Variants in UBIAD1 observed in about 807,000 individuals in gnomAD.
UBIAD1 encodes ubiA prenyltransferase domain-containing protein 1.
In UBIAD1, 12 loss-of-function variants were observed where a neutral mutation model predicts 20.1. That is an observed-to-expected ratio of 0.60 (90% CI 0.38 to 0.97). The LOEUF (loss-of-function observed/expected upper bound fraction) is 0.97, where lower values mean the gene tolerates loss of function less well. Ranked by LOEUF, UBIAD1 falls within the 50% of genes least tolerant of loss-of-function variation. The pLI is 0.00. For synonymous variants in UBIAD1, 207 were observed against 189.2 expected (o/e 1.09, Z -0.77); for missense variants, 333 against 419.5 (o/e 0.79, Z 1.80).
intron 1 of UBIAD1, among the ~76,000 whole-genome samples, chr1:11,284,631 T>C (rs1557519374): frequency 6.6e-6 from 1 of 151,938 alleles, no homozygotes; most frequent in Non-Finnish European, 1.5e-5. Context: ...GCTTGGCTAA[T>C]TTTTGTATTT....
intron 1 of UBIAD1, 125 bp downstream of exon 1, chr1:11,274,185 T>C: frequency 8.2e-7 from 1 of 1,219,472 alleles, no homozygotes; most frequent in Non-Finnish European, 1.2e-6. Context: ...AATTGAAGTC[T>C]ATAATTGTGG....
chr1:11,286,648 G>A lies in UBIAD1; in HGVS notation c.*517G>A, dbSNP rs1638266660. On this transcript the variant is annotated 3_prime_UTR_variant, in exon 2 of 2. Coordinates refer to ENST00000376810, the MANE Select transcript of UBIAD1 (RefSeq NM_013319.3). ...ACCTGTGTCCTGAGATACGCTGCCT[G>A]AGACAGAGAGAGTCCCTCATTAACA... 5.6e-6 allele frequency: 1 copy of A among 177,256 alleles called. No individual in the cohort carries two copies. Among genetic ancestry groups the A allele is most frequent in the African/African-American group, 2.4e-5 (1 of 41,734 alleles). The allele number at this position is 177,256 out of a possible 1,614,324, so 11.0% of individuals were successfully genotyped here. A position where few individuals can be genotyped will look rare whatever the true frequency, so the allele number is the denominator to read the frequency against.
In UBIAD1 at chr1:11,294,904, C is replaced by T. The variant is rs549583206; in HGVS notation, c.*21C>T. ...TCTAGCCACTGAAGCAGAGTGCCCA[C>T]ATCAGGAGCAGCCAGTGCTCAAGCT... On this transcript the variant is annotated 3_prime_UTR_variant, in exon 2 of 2. Transcript: ENST00000376804. The T allele has an allele frequency of 3.5e-5, 25 of 717,508 alleles. No homozygotes were observed. The East Asian group carries it at 6.4e-4, about 18-fold the overall frequency. 44.4% of individuals were successfully genotyped at this position (717,508 alleles called of 1,614,324 possible).
Position 11,273,987 on chromosome 1 carries a change from G to T in UBIAD1, c.456G>T (p.Leu152=). The part of the protein sequence containing the change: ...GCVCAACLYY[L]SPLKLEHLAL... ...TCTGTGCCGCTTGCCTCTACTACCT[G>T]TCCCCTCTGAAACTGGAGCACTTGG... Residue 152 remains leucine, a synonymous_variant, in exon 1 of 2, where the codon CTG becomes CTT. Coordinates refer to ENST00000376810, the MANE Select transcript of UBIAD1 (RefSeq NM_013319.3). The surrounding 1 kb of genome is among the most constrained non-coding windows in gnomAD (Gnocchi z 4.9). 6.2e-7 allele frequency: 1 copy of T among 1,614,144 alleles called. No individual in the cohort carries two copies. The highest frequency in any genetic ancestry group is 1.3e-5 in the African/African-American group (1 of 75,016).
chr1:11,295,954 C>G (rs1638440517), downstream of UBIAD1: 1 of 152,188 alleles, frequency 6.6e-6, no homozygotes, highest in Non-Finnish European at 1.5e-5. Context: ...AAGGACAGGC[C>G]ACTCACAGCC....
At position 11,273,341 on chromosome 1, in the gene UBIAD1, GC is replaced by G; in HGVS notation, c.-190del. ...GCCCAGGTGACGGGTAGTAGGGGCG[GC>G]GCCGCTTGGCCTCGTGGGGTGTAAG... On this transcript the variant is annotated 5_prime_UTR_variant, in exon 1 of 2. Transcript: ENST00000376810. The surrounding 1 kb of genome is among the most constrained non-coding windows in gnomAD (Gnocchi z 4.9). 2 of 648,470 alleles carry G rather than the reference GC, an allele frequency of 3.1e-6. No homozygotes were observed. Among genetic ancestry groups the G allele is most frequent in the Non-Finnish European group, 5.3e-6 (2 of 375,720 alleles). The allele number at this position is 648,470 out of a possible 1,614,324, so 40.2% of individuals were successfully genotyped here.
At chr1:11,293,443 T>C (rs573338654) in intron 1 of UBIAD1, 1 of 152,350 alleles carries the variant, frequency 6.6e-6, no homozygotes, top group South Asian at 2.1e-4. Flanking sequence ...GACTAGAGTA[T>C]AAGGACCATG....
rs1638233622 is a variant in UBIAD1 at position 11,285,110 on chromosome 1, G to A, written c.530-534G>A. On this transcript the variant is annotated intron_variant, in intron 1 of 1. Coordinates refer to ENST00000376810, the MANE Select transcript of UBIAD1 (RefSeq NM_013319.3). The surrounding 1 kb of genome is among the most constrained non-coding windows in gnomAD (Gnocchi z 4.4). ...GTCCTCGCTGTTTTGCTTATCGCAG[G>A]GGTGCAGGTTTAAGGACCCCGAAAT... Among the ~76,000 whole-genome samples, 1 of 152,148 alleles carries A rather than the reference G, an allele frequency of 6.6e-6. No individual in the cohort carries two copies. Among genetic ancestry groups the A allele is most frequent in the Non-Finnish European group, 1.5e-5 (1 of 68,026 alleles).
rs1651844277 is a variant in UBIAD1, at chr1:11,273,312, C to T, written c.-220C>T. On this transcript the variant is annotated 5_prime_UTR_variant, in exon 1 of 2. Transcript: ENST00000376810. The surrounding 1 kb of genome is among the most constrained non-coding windows in gnomAD (Gnocchi z 4.9). ...CGCGGGGCTGGGGGCCGGAGACAGA[C>T]TTCGCCCAGGTGACGGGTAGTAGGG... 1 of 599,038 alleles carries T rather than the reference C, an allele frequency of 1.7e-6. No individual in the cohort carries two copies. 37.1% of individuals were successfully genotyped at this position (599,038 alleles called of 1,614,324 possible).
chr1:11,282,580 A>G (rs1228903957), intron 1 of UBIAD1, among the ~76,000 whole-genome samples: 1 of 133,756 alleles, frequency 7.5e-6, no homozygotes, highest in African/African-American at 3.1e-5. Flanking sequence ...TTTTTTTTCA[A>G]AAGACAGAGT....
chr1:11,285,939 G>T lies in UBIAD1; in HGVS notation c.825G>T (p.Leu275=). The change falls in exon 2 of 2, where the codon CTG becomes CTT. Residue 275 remains leucine, a synonymous_variant. Coordinates refer to ENST00000376810, the MANE Select transcript of UBIAD1 (RefSeq NM_013319.3). The surrounding 1 kb of genome is among the most constrained non-coding windows in gnomAD (Gnocchi z 4.4). ...TGCCCTACCTGGTCTTCAGCATCCTGGCCACACACTGCACCATCAGCCTGG... is the reference window on the plus strand; with the variant it reads ...TGCCCTACCTGGTCTTCAGCATCCTTGCCACACACTGCACCATCAGCCTGG... ...LFLPYLVFSI[L]ATHCTISLAL... is the part of the protein sequence containing the mutation. The T allele has an allele frequency of 6.2e-7, 1 of 1,614,148 alleles. No homozygotes were observed. Among genetic ancestry groups the T allele is most frequent in the Non-Finnish European group, 8.5e-7 (1 of 1,180,038 alleles).
At chr1:11,277,471 C>T in intron 1 of UBIAD1, among the ~76,000 whole-genome samples, 1 of 151,844 alleles carries the variant, frequency 6.6e-6, no homozygotes, top group Non-Finnish European at 1.5e-5. Flanking sequence ...GGGGTTTCGC[C>T]ATGTTGGCCA....
intron 1 of UBIAD1, 123 bp downstream of exon 1, chr1:11,274,183 T>A: frequency 8.1e-7 from 1 of 1,229,156 alleles, no homozygotes; most frequent in Non-Finnish European, 1.2e-6. Flanking sequence ...TTAATTGAAG[T>A]CTATAATTGT....
At chr1:11,293,266 C>G (rs540015887), downstream of UBIAD1, among the ~76,000 whole-genome samples, 7 of 152,286 alleles carry the variant, frequency 4.6e-5, no homozygotes, top group East Asian at 1.3e-3. Context: ...ATTCCGCACT[C>G]CCACGGTCCT....
chr1:11,281,173 C>T (rs1227348279), intron 1 of UBIAD1, among the ~76,000 whole-genome samples: 1 of 152,154 alleles, frequency 6.6e-6, no homozygotes, highest in Non-Finnish European at 1.5e-5. Flanking sequence ...TTCACTTTCT[C>T]ACTTCCTTCA....
chr1:11,280,979 C>T (rs745882628), intron 1 of UBIAD1, among the ~76,000 whole-genome samples: 2 of 152,090 alleles, frequency 1.3e-5, no homozygotes, highest in Non-Finnish European at 2.9e-5. Flanking sequence ...ACATTCTTTG[C>T]CCACCTTTTG....
At position 11,285,639 on chromosome 1, in the gene UBIAD1, C is replaced by T. The variant is rs756239544; in HGVS notation, c.530-5C>T. On this transcript the variant is annotated splice_polypyrimidine_tract_variant and splice_region_variant and intron_variant, in intron 1 of 1. Transcript: ENST00000376810. The surrounding 1 kb of genome is among the most constrained non-coding windows in gnomAD (Gnocchi z 4.4). ...ACACCAACTCTCTGGATTTTCTGGC[C>T]GCAGGAATTGGATTCAAGTACGTGG... 6.2e-6 allele frequency: 10 copies of T among 1,613,988 alleles called. No individual in the cohort carries two copies. Among genetic ancestry groups the T allele is most frequent in the Admixed American group, 5.0e-5 (3 of 60,000 alleles).
downstream of UBIAD1, among the ~76,000 whole-genome samples, chr1:11,288,600 G>A (rs572837963): frequency 1.3e-5 from 2 of 152,170 alleles, no homozygotes; most frequent in African/African-American, 4.8e-5. Context: ...GACCAGATTC[G>A]ACAGGCCTTT....
intron 1 of UBIAD1, among the ~76,000 whole-genome samples, chr1:11,280,911 G>A (rs1410006484): frequency 6.6e-6 from 1 of 152,066 alleles, no homozygotes; most frequent in Non-Finnish European, 1.5e-5. Context: ...ACTCTTCAGT[G>A]GCTCCCATCT....
Sources: allele counts gnomAD v4.1 joint callset (sites outside exome capture counted in the v4.1 genomes callset), GRCh38; gene constraint gnomAD v4.1.1; non-coding constraint Gnocchi (gnomAD v3.1); transcripts MANE v1.5; gene names NCBI Gene and HGNC (gene_info 2026-07-23, HGNC 2026-07-21).